The following NKAIN2 variants were observed in gnomAD, a reference collection of about 807,000 sequenced individuals.
The protein encoded by NKAIN2 is sodium/potassium-transporting ATPase subunit beta-1-interacting protein 2.
A neutral mutation model predicts 32.6 loss-of-function variants in NKAIN2; 14 were observed. That is an observed-to-expected ratio of 0.43 (90% CI 0.28 to 0.67). NKAIN2 has a LOEUF of 0.67. Among genes scored for constraint, NKAIN2 ranks in the 30% least tolerant of loss-of-function variants. NKAIN2 has a pLI of 0.17. For synonymous variants in NKAIN2, 80 were observed against 87.2 expected, an observed-to-expected ratio of 0.92 and a Z score of 0.46; for missense variants, 198 against 258.3, an observed-to-expected ratio of 0.77 and a Z score of 1.60.
At chr6:124,099,198 G>C (rs536416286) in intron 1 of NKAIN2, among the ~76,000 whole-genome samples, 1 of 152,142 alleles carries the variant, frequency 6.6e-6, no homozygotes, top group Admixed American at 6.5e-5. Flanking sequence ...AAGATAATTG[G>C]TTGATTATCT....
At chr6:123,976,358 T>TGTTCCC (rs1413654440) in intron 1 of NKAIN2, among the ~76,000 whole-genome samples, 3 of 35,242 alleles carry the variant, frequency 8.5e-5, no homozygotes, top group African/African-American at 1.4e-4. Flanking sequence ...CATATATATA[T>TGTTCCC]ATATATATAT....
intron 1 of NKAIN2, among the ~76,000 whole-genome samples, chr6:123,874,217 G>A (rs1425014746): frequency 6.6e-6 from 1 of 152,066 alleles, no homozygotes; most frequent in Non-Finnish European, 1.5e-5. Context: ...GAAGGAGATG[G>A]TTTCCTTCCC....
At chr6:123,890,444 A>T (rs1202015853) in intron 1 of NKAIN2, among the ~76,000 whole-genome samples, 1 of 151,868 alleles carries the variant, frequency 6.6e-6, no homozygotes, top group Non-Finnish European at 1.5e-5. Context: ...AGTAATGGGG[A>T]ATACTATGAG....
chr6:124,171,547 A>ATTTTTTTTTTTT (rs10665262), intron 1 of NKAIN2, among the ~76,000 whole-genome samples: 3 of 96,468 alleles, frequency 3.1e-5, no homozygotes, highest in African/African-American at 8.1e-5. Flanking sequence ...GGCCGATTTG[A>ATTTTTTTTTTTT]TTTTTTTTTT....
At chr6:124,673,113 T>C (rs1308696418) in intron 4 of NKAIN2, among the ~76,000 whole-genome samples, 1 of 152,112 alleles carries the variant, frequency 6.6e-6, no homozygotes, top group African/African-American at 2.4e-5. Flanking sequence ...CTACTTTAGA[T>C]AACTCTTGTT....
At chr6:124,637,684 T>A (rs1438686264) in intron 3 of NKAIN2, among the ~76,000 whole-genome samples, 1 of 151,792 alleles carries the variant, frequency 6.6e-6, no homozygotes, top group Non-Finnish European at 1.5e-5. Context: ...CAAAAATAAA[T>A]ACCTAGAAAT....
intron 1 of NKAIN2, among the ~76,000 whole-genome samples, chr6:123,937,299 T>A (rs1404940023): frequency 1.3e-5 from 2 of 152,084 alleles, no homozygotes; most frequent in Non-Finnish European, 2.9e-5. Flanking sequence ...ATTGGATGTG[T>A]CTTGATTTCT....
chr6:124,717,836 G>A (rs1274895841), intron 4 of NKAIN2, among the ~76,000 whole-genome samples: 2 of 152,092 alleles, frequency 1.3e-5, no homozygotes, highest in South Asian at 4.1e-4. Context: ...CTGCCCGTTG[G>A]TAGGTCACTA....
chr6:124,548,528 T>C (rs558731350), intron 3 of NKAIN2, among the ~76,000 whole-genome samples: 69 of 152,158 alleles, frequency 4.5e-4, no homozygotes, highest in Non-Finnish European at 8.7e-4. Context: ...CCAGCACTCA[T>C]TGCGAAGGAG....
At chr6:124,120,278 C>T (rs1294060066) in intron 1 of NKAIN2, among the ~76,000 whole-genome samples, 1 of 152,142 alleles carries the variant, frequency 6.6e-6, no homozygotes, top group East Asian at 1.9e-4. Context: ...AAACAATGCT[C>T]TTTAAATCCT....
chr6:124,750,390 C>T (rs1035217378), intron 4 of NKAIN2, among the ~76,000 whole-genome samples: 1 of 151,800 alleles, frequency 6.6e-6, no homozygotes, highest in African/African-American at 2.4e-5. Flanking sequence ...CACCTGTGTC[C>T]TCTAATACCT....
At chr6:124,784,649 GC>G (rs959291601) in intron 4 of NKAIN2, among the ~76,000 whole-genome samples, 4 of 152,060 alleles carry the variant, frequency 2.6e-5, no homozygotes, top group African/African-American at 9.7e-5. Context: ...CTGGGGTTGC[GC>G]CCACTTTGGG....
At chr6:124,593,712 A>G (rs1316762605) in intron 3 of NKAIN2, among the ~76,000 whole-genome samples, 2 of 152,212 alleles carry the variant, frequency 1.3e-5, no homozygotes, top group Non-Finnish European at 1.5e-5. Flanking sequence ...CGATCACTGT[A>G]GCTGCATTTT....
intron 1 of NKAIN2, among the ~76,000 whole-genome samples, chr6:124,266,094 CTT>C (rs1444739579): frequency 6.6e-6 from 1 of 152,106 alleles, no homozygotes; most frequent in Non-Finnish European, 1.5e-5. Context: ...TTTTGCATAA[CTT>C]AATGTAATAT....
chr6:124,548,584 G>A lies in NKAIN2; in HGVS notation c.274-109602G>A, dbSNP rs145582388. Among the ~76,000 whole-genome samples, 102 of 152,298 alleles carry A rather than the reference G, an allele frequency of 6.7e-4. 2 individuals are homozygous for A. In the East Asian group the frequency reaches 0.018, roughly 26 times the overall value. On this transcript the variant is annotated intron_variant, in intron 3 of 6. Transcript: ENST00000368417. ...AAGCGAAGAGTGTTACCTTCAGAGA[G>A]GGAAGAGGAAAGGTCTTCACAGGTG... is the stretch of plus-strand genomic sequence containing the variant.
At chr6:124,283,377 A>G in intron 2 of NKAIN2, 1 of 308,118 alleles carries the variant, frequency 3.2e-6, no homozygotes, top group Non-Finnish European at 6.0e-6. Flanking sequence ...TTGTACTTTC[A>G]GCGAATAGTC....
intron 3 of NKAIN2, among the ~76,000 whole-genome samples, chr6:124,372,956 A>G (rs577103901): frequency 2.4e-4 from 37 of 152,172 alleles, no homozygotes; most frequent in Non-Finnish European, 3.1e-4. Context: ...GTAAGGAAAC[A>G]TTGAAAAACA....
chr6:123,988,402 G>A (rs1779249413), intron 1 of NKAIN2, among the ~76,000 whole-genome samples: 2 of 152,298 alleles, frequency 1.3e-5, no homozygotes, highest in South Asian at 4.1e-4. Flanking sequence ...GGGGGAAGTT[G>A]TGTTGTTCCA....
chr6:123,967,678 G>GA (rs869114456), intron 1 of NKAIN2, among the ~76,000 whole-genome samples: 9 of 151,182 alleles, frequency 6.0e-5, no homozygotes, highest in Non-Finnish European at 1.2e-4. Flanking sequence ...CACATTATGT[G>GA]AAAAAAAAGG....
Sources: gnomAD v4.1 joint callset for allele counts (sites outside exome capture counted in the v4.1 genomes callset) on GRCh38, gnomAD v4.1.1 for gene constraint, MANE v1.5 for transcripts, NCBI Gene and HGNC (gene_info 2026-07-23, HGNC 2026-07-21) for gene names.